IGFBPL1: variants seen among roughly 807,000 people sequenced by gnomAD.
IGFBPL1 encodes insulin-like growth factor-binding protein-like 1.
A neutral mutation model predicts 23.9 loss-of-function variants in IGFBPL1; 20 were observed. The ratio of observed to expected loss-of-function variants is 0.84; its 90% CI spans 0.59 to 1.22. The LOEUF (loss-of-function observed/expected upper bound fraction) is 1.22, where lower values mean the gene tolerates loss of function less well. IGFBPL1 is among the 50% of genes most tolerant of loss of function. The probability of loss-of-function intolerance (pLI) is 0.00; values close to 1 mark genes in which losing one functional copy is unlikely to be tolerated. For synonymous variants in IGFBPL1, 184 were observed against 171.8 expected (o/e 1.07, Z -0.56); for missense variants, 436 against 379.3 (o/e 1.15, Z -1.24).
At chr9:38,417,321 G>A (rs1821613715) in intron 1 of IGFBPL1, among the ~76,000 whole-genome samples, 1 of 152,092 alleles carries the variant, frequency 6.6e-6, no homozygotes, top group Non-Finnish European at 1.5e-5. Context: ...ACCCTTCCAC[G>A]TACACCACCC....
chr9:38,422,651 A>G (rs1232139332), intron 1 of IGFBPL1, among the ~76,000 whole-genome samples: 1 of 152,204 alleles, frequency 6.6e-6, no homozygotes, highest in Non-Finnish European at 1.5e-5. Context: ...GCGGCAGCAC[A>G]GATGCACCCC....
chr9:38,422,854 A>G lies in IGFBPL1; in HGVS notation c.460+1111T>C, dbSNP rs527311256. Reference sequence around the variant, plus strand: ...TACTTGAGAGGAAAGACTACTAGATACTTCTTAAGGCTTGGAAAGGTCTCA... The same window carrying G: ...TACTTGAGAGGAAAGACTACTAGATGCTTCTTAAGGCTTGGAAAGGTCTCA... On this transcript the variant is annotated intron_variant, in intron 1 of 4. Coordinates refer to ENST00000377694, the MANE Select transcript of IGFBPL1 (RefSeq NM_001007563.3). Among the ~76,000 whole-genome samples the G allele has an allele frequency of 2.6e-5, 4 of 152,316 alleles. No individual in the cohort carries two copies. The South Asian group carries it at 6.2e-4, about 24-fold the overall frequency.
rs1223193891 is a variant in IGFBPL1, at chr9:38,415,029, AC to A, written c.461-827del. On this transcript the variant is annotated intron_variant, in intron 1 of 4. Coordinates refer to ENST00000377694, the MANE Select transcript of IGFBPL1 (RefSeq NM_001007563.3). ...ACCTGCATTGGACAGCAACTCAGCC[AC>A]CCTGGCATCCAGCACCACAGCGTGT... Among the ~76,000 whole-genome samples the A allele has an allele frequency of 9.9e-5, 15 of 152,218 alleles. No homozygotes were observed. The East Asian group carries it at 2.9e-3, about 29-fold the overall frequency.
rs867318883 is a variant in IGFBPL1, at chr9:38,419,894, T to C, written c.460+4071A>G. Among the ~76,000 whole-genome samples, 247 of 127,310 alleles carry C rather than the reference T, an allele frequency of 1.9e-3. 1 individual carries two copies. Among genetic ancestry groups the C allele is most frequent in the African/African-American group, 6.9e-3 (224 of 32,352 alleles). The allele number at this position is 127,310 out of a possible 152,430, so 83.5% of individuals were successfully genotyped here. On this transcript the variant is annotated intron_variant, in intron 1 of 4. Transcript: ENST00000377694. ...TCCTCCTCCTCCTCCTCCTCCTCCT[T>C]CTTCTTCTTCTTTTTAGACAGGGTC...
At chr9:38,417,004 T>A (rs373853788) in intron 1 of IGFBPL1, among the ~76,000 whole-genome samples, 1 of 152,144 alleles carries the variant, frequency 6.6e-6, no homozygotes, top group Non-Finnish European at 1.5e-5. Context: ...TTTAACATAT[T>A]TTAACATATC....
rs1392824340 is a variant in IGFBPL1, at chr9:38,411,384, C to A, written c.*9+7G>T. ...GTAAAATACTGAAAATGACTTAGAACATGTACATTTCTCCATCACATGCGG... is the reference window on the plus strand; with the variant it reads ...GTAAAATACTGAAAATGACTTAGAAAATGTACATTTCTCCATCACATGCGG... On this transcript the variant is annotated splice_region_variant and intron_variant, in intron 4 of 4. Coordinates refer to ENST00000377694, the MANE Select transcript of IGFBPL1 (RefSeq NM_001007563.3). The A allele has an allele frequency of 2.5e-6, 4 of 1,609,896 alleles. No individual in the cohort carries two copies. In the Admixed American group the frequency reaches 5.0e-5, roughly 20 times the overall value.
intron 3 of IGFBPL1, among the ~76,000 whole-genome samples, chr9:38,412,049 G>A (rs956217045): frequency 3.9e-5 from 6 of 152,158 alleles, no homozygotes; most frequent in African/African-American, 1.4e-4. Flanking sequence ...CAGCTGGGTG[G>A]AGAAGAGTCA....
intron 4 of IGFBPL1, 30 bp downstream of exon 4, chr9:38,411,361 A>C: frequency 6.3e-7 from 1 of 1,587,418 alleles, no homozygotes; most frequent in Non-Finnish European, 8.6e-7. Flanking sequence ...ACATGGGTGT[A>C]AAATACTGAA....
In IGFBPL1 at chr9:38,424,200, C is replaced by T; in HGVS notation, c.225G>A (p.Ala75=). The stretch of plus-strand genomic sequence containing the variant: ...GCCCGCCGGCGCGGCCCCCGCAGCT[C>T]GCGCCCTCGGCTCCCAGGCAGCGGG... The part of the protein sequence containing the change: ...CCARCLGAEG[A]SCGGRAGGRC... Residue 75 remains alanine, a synonymous_variant, in exon 1 of 5, where the codon GCG becomes GCA. Transcript: ENST00000377694. 4.3e-6 allele frequency: 5 copies of T among 1,168,918 alleles called. No individual in the cohort carries two copies. Among genetic ancestry groups the T allele is most frequent in the Non-Finnish European group, 4.2e-6 (4 of 948,846 alleles). The allele number at this position is 1,168,918 out of a possible 1,614,324, so 72.4% of individuals were successfully genotyped here.
At chr9:38,415,140 C>T (rs1821582973) in intron 1 of IGFBPL1, among the ~76,000 whole-genome samples, 1 of 152,160 alleles carries the variant, frequency 6.6e-6, no homozygotes, top group Non-Finnish European at 1.5e-5. Context: ...CCCCTGCTTC[C>T]TAGGGCGGTC....
intron 4 of IGFBPL1, among the ~76,000 whole-genome samples, chr9:38,410,318 T>G (rs1029668752): frequency 6.6e-6 from 1 of 151,046 alleles, no homozygotes; most frequent in South Asian, 2.1e-4. Flanking sequence ...CCGTCTCTAC[T>G]AAAAATACAA....
At chr9:38,419,891 C>CCTCCTCCTT (rs1554661912) in intron 1 of IGFBPL1, among the ~76,000 whole-genome samples, 46 of 126,270 alleles carry the variant, frequency 3.6e-4, no homozygotes, top group Admixed American at 7.1e-4. Flanking sequence ...TCCTCCTCCT[C>CCTCCTCCTT]CTTCTTCTTC....
chr9:38,411,214 GT>G (rs1390105646), intron 4 of IGFBPL1, among the ~76,000 whole-genome samples, 176 bp downstream of exon 4: 1 of 152,184 alleles, frequency 6.6e-6, no homozygotes, highest in Admixed American at 6.5e-5. Context: ...AGGGAGATGT[GT>G]GCAGAATATA....
chr9:38,417,076 T>C (rs1346300600), intron 1 of IGFBPL1, among the ~76,000 whole-genome samples: 1 of 152,206 alleles, frequency 6.6e-6, no homozygotes, highest in African/African-American at 2.4e-5. Context: ...ATAATAACAC[T>C]GTTATTATGC....
chr9:38,410,671 A>C (rs1484061210), intron 4 of IGFBPL1, among the ~76,000 whole-genome samples: 3 of 152,222 alleles, frequency 2.0e-5, no homozygotes, highest in Admixed American at 6.5e-5. Context: ...GCTCACAGCT[A>C]TAACATGGAA....
chr9:38,411,360 T>C, intron 4 of IGFBPL1, 31 bp downstream of exon 4: 1 of 1,587,188 alleles, frequency 6.3e-7, no homozygotes, highest in Non-Finnish European at 8.6e-7. Context: ...AACATGGGTG[T>C]AAAATACTGA....
intron 1 of IGFBPL1, among the ~76,000 whole-genome samples, chr9:38,423,469 C>A (rs769141499): frequency 7.2e-5 from 11 of 152,084 alleles, no homozygotes; most frequent in Non-Finnish European, 1.5e-4. Context: ...CACCGGGGGC[C>A]CTGGTGCTCT....
In IGFBPL1 at chr9:38,408,242, C is replaced by A. The variant is rs147315635; in HGVS notation, c.*985G>T. ...CAGCCTGGGCGGCAACATAGGGAGA[C>A]CCTGTCTCTACAAAAAAAAAAAAAA... On this transcript the variant is annotated 3_prime_UTR_variant, in exon 5 of 5. Coordinates refer to ENST00000377694, the MANE Select transcript of IGFBPL1 (RefSeq NM_001007563.3). Among the ~76,000 whole-genome samples, 32 of 127,196 alleles carry A rather than the reference C, an allele frequency of 2.5e-4. No individual in the cohort carries two copies. The East Asian group carries it at 6.6e-3, about 26-fold the overall frequency. The allele number at this position is 127,196 out of a possible 152,430, so 83.4% of individuals were successfully genotyped here. A position where few individuals can be genotyped will look rare whatever the true frequency, so the allele number is the denominator to read the frequency against.
intron 1 of IGFBPL1, among the ~76,000 whole-genome samples, chr9:38,422,615 C>A (rs996236080): frequency 2.0e-5 from 3 of 152,194 alleles, no homozygotes; most frequent in Non-Finnish European, 4.4e-5. Flanking sequence ...GGGGAAGGGA[C>A]CCGTCCAGGG....
Sources: allele counts gnomAD v4.1 joint callset (sites outside exome capture counted in the v4.1 genomes callset), GRCh38; gene constraint gnomAD v4.1.1; transcripts MANE v1.5; gene names NCBI Gene and HGNC (gene_info 2026-07-23, HGNC 2026-07-21).